Variants in DOCK4 observed in about 807,000 individuals in gnomAD.
DOCK4 encodes dedicator of cytokinesis protein 4.
Under a neutral mutation model 268.1 loss-of-function variants are expected in DOCK4, and 97 were observed. The observed-to-expected ratio is 0.36, with a 90% CI of 0.31 to 0.43. DOCK4 has a LOEUF of 0.43. Among genes scored for constraint, DOCK4 ranks in the 20% least tolerant of loss-of-function variants. DOCK4 has a pLI of 1.00. For missense variants in DOCK4, 2,145 were observed against 2,455.7 expected (o/e 0.87, Z 2.67); for synonymous variants, 954 against 887.2 (o/e 1.08, Z -1.34).
intron 7 of DOCK4, among the ~76,000 whole-genome samples, chr7:111,978,710 C>T (rs1314258752): frequency 6.6e-6 from 1 of 152,192 alleles, no homozygotes; most frequent in African/African-American, 2.4e-5. Flanking sequence ...TAATTCCCTG[C>T]AGACTGATTC....
Position 111,747,428 on chromosome 7 carries a change from G to A in DOCK4, c.4432C>T (p.Leu1478=). The change falls in exon 43 of 53, where the codon CTG becomes TTG. Residue 1478 remains leucine, a synonymous_variant. Transcript: ENST00000428084. ...EKREVVEMSP[L]ENAIEVLENK... Reference sequence around the variant, plus strand: ...TCTAGCACTTCAATTGCATTTTCCAGAGGACTCATTTCTACCTGAGAAGCA... The same window carrying A: ...TCTAGCACTTCAATTGCATTTTCCAAAGGACTCATTTCTACCTGAGAAGCA... The A allele has an allele frequency of 6.2e-7, 1 of 1,601,528 alleles. No homozygotes were observed. The highest frequency in any genetic ancestry group is 8.5e-7 in the Non-Finnish European group (1 of 1,173,996).
At chr7:112,124,204 AGAGAC>A (rs1278999282) in intron 1 of DOCK4, among the ~76,000 whole-genome samples, 1 of 151,978 alleles carries the variant, frequency 6.6e-6, no homozygotes, top group Admixed American at 6.6e-5. Context: ...TATTTTTTGT[AGAGAC>A]GAGATCCTGT....
chr7:112,206,311 T>A lies in DOCK4; in HGVS notation c.-173A>T. 1.5e-6 allele frequency: 1 copy of A among 662,818 alleles called. No homozygotes were observed. The highest frequency in any genetic ancestry group is 2.0e-5 in the South Asian group (1 of 50,904). 41.1% of individuals were successfully genotyped at this position (662,818 alleles called of 1,614,324 possible). On this transcript the variant is annotated 5_prime_UTR_variant, in exon 1 of 53. Coordinates refer to ENST00000428084, the MANE Select transcript of DOCK4 (RefSeq NM_001363540.2). ...AGGCTCCCGAGCCCAGCGTTGACAC[T>A]GCGCCGCCCGCAGCTCTCCCGGCGG...
At chr7:111,831,775 T>C (rs1802829404) in intron 26 of DOCK4, among the ~76,000 whole-genome samples, 1 of 152,122 alleles carries the variant, frequency 6.6e-6, no homozygotes, top group Non-Finnish European at 1.5e-5. Flanking sequence ...AGGCATGAGG[T>C]ACCGTGTCTG....
intron 28 of DOCK4, among the ~76,000 whole-genome samples, chr7:111,810,347 T>G (rs1640093562): frequency 6.6e-6 from 1 of 151,762 alleles, no homozygotes; most frequent in Non-Finnish European, 1.5e-5. Context: ...AGCTACTCAG[T>G]AGGCTGAGGC....
chr7:112,043,333 C>A lies in DOCK4; in HGVS notation c.38-39202G>T, dbSNP rs938604310. On this transcript the variant is annotated intron_variant, in intron 1 of 52. Transcript: ENST00000428084. Reference sequence around the variant, plus strand: ...TAATATTCAATTCATCTAGAACCTGCCACAAATCAACTGTTATCCACAAAG... The same window carrying A: ...TAATATTCAATTCATCTAGAACCTGACACAAATCAACTGTTATCCACAAAG... Among the ~76,000 whole-genome samples the A allele has an allele frequency of 4.6e-5, 7 of 152,048 alleles. No homozygotes were observed. The East Asian group carries it at 1.3e-3, about 29-fold the overall frequency.
intron 5 of DOCK4, among the ~76,000 whole-genome samples, chr7:111,990,295 C>A (rs1171383947): frequency 2.0e-5 from 3 of 152,140 alleles, no homozygotes; most frequent in African/African-American, 7.2e-5. Context: ...ACCCCAGAGA[C>A]AATAGAGTAA....
chr7:111,962,401 G>C (rs1320334846), intron 8 of DOCK4, among the ~76,000 whole-genome samples: 1 of 152,176 alleles, frequency 6.6e-6, no homozygotes, highest in African/African-American at 2.4e-5. Context: ...CATGGGGAAA[G>C]TACTATTATT....
intron 1 of DOCK4, among the ~76,000 whole-genome samples, chr7:112,157,492 C>T (rs2189288): frequency 0.69 from 104,820 of 152,018 alleles, 36,429 homozygotes; most frequent in East Asian, 0.85. Context: ...CTTCATTTAG[C>T]ATCAAGGATT....
intron 52 of DOCK4, among the ~76,000 whole-genome samples, chr7:111,731,674 T>C (rs74470723): frequency 0.075 from 11,435 of 152,294 alleles, 586 homozygotes; most frequent in African/African-American, 0.14. Context: ...TAGAAATCTT[T>C]TAAATCCATA....
chr7:112,048,389 CAAAAAAA>C (rs59810546), intron 1 of DOCK4, among the ~76,000 whole-genome samples: 6,420 of 72,184 alleles, frequency 0.089, 431 homozygotes, highest in African/African-American at 0.22. Flanking sequence ...ACTAAAAATA[CAAAAAAA>C]AAAAAAAAAA....
rs1284632103 is a variant in DOCK4, at chr7:112,004,098, C to T, written c.71G>A (p.Gly24Asp). 1 of 1,600,548 alleles carries T rather than the reference C, an allele frequency of 6.2e-7. No homozygotes were observed. Among genetic ancestry groups the T allele is most frequent in the East Asian group, 2.3e-5 (1 of 44,424 alleles). Residue 24 changes from glycine (G) to aspartate (D), a missense_variant, in exon 2 of 53, where the codon GGC (glycine) becomes GAC (aspartate). By Grantham distance (94) the Gly-to-Asp change is moderately conservative. Coordinates refer to ENST00000428084, the MANE Select transcript of DOCK4 (RefSeq NM_001363540.2). ...IASFRGTVPY[G>D]LSLEIGDTVQ... ...TGTATCTCCAATTTCCAATGACAGG[C>T]CATATGGAACGGTTCCTCGGAAACT...
At chr7:111,745,984 T>C (rs1043527935) in intron 44 of DOCK4, among the ~76,000 whole-genome samples, 3 of 152,322 alleles carry the variant, frequency 2.0e-5, no homozygotes, top group Middle Eastern at 3.4e-3. Flanking sequence ...GTATAAGATA[T>C]ATATGAAATA....
At chr7:112,204,613 G>T (rs1251326717) in intron 1 of DOCK4, among the ~76,000 whole-genome samples, 1 of 152,164 alleles carries the variant, frequency 6.6e-6, no homozygotes, top group African/African-American at 2.4e-5. Context: ...GGTGGGTTCA[G>T]GTCAAACTAT....
chr7:112,011,828 T>C (rs956165565), intron 1 of DOCK4, among the ~76,000 whole-genome samples: 2 of 149,040 alleles, frequency 1.3e-5, no homozygotes, highest in African/African-American at 5.0e-5. Context: ...CAATGTAATA[T>C]GATTAAAAGG....
At chr7:111,763,828 T>A (rs1252004356) in intron 39 of DOCK4, among the ~76,000 whole-genome samples, 1 of 152,224 alleles carries the variant, frequency 6.6e-6, no homozygotes, top group Non-Finnish European at 1.5e-5. Flanking sequence ...CAAAACGTAG[T>A]CTTTTAAATT....
chr7:112,056,133 G>A (rs1319726572), intron 1 of DOCK4, among the ~76,000 whole-genome samples: 1 of 152,140 alleles, frequency 6.6e-6, no homozygotes, highest in Non-Finnish European at 1.5e-5. Flanking sequence ...GGCAGGTGAT[G>A]AGACCAGGTA....
rs377187510 is a variant in DOCK4, at chr7:111,790,582, G to A, written c.3190C>T (p.Pro1064Ser). ...NLGEHKLHFI[P>S]ALIGPFLEVT... ...TCTAGGAAGGGGCCAATCAGGGCAGGGATAAAATGAAGCTTGTGCTCTCCT... is the reference window on the plus strand; with the variant it reads ...TCTAGGAAGGGGCCAATCAGGGCAGAGATAAAATGAAGCTTGTGCTCTCCT... Residue 1064 changes from proline to serine, a missense_variant, in exon 31 of 53, where the codon CCT (proline) becomes TCT (serine). Coordinates refer to ENST00000428084, the MANE Select transcript of DOCK4 (RefSeq NM_001363540.2). 181 of 1,612,892 alleles carry A rather than the reference G, an allele frequency of 1.1e-4. No individual in the cohort carries two copies. Among genetic ancestry groups the A allele is most frequent in the Non-Finnish European group, 1.5e-4 (172 of 1,179,580 alleles).
At chr7:111,742,307 A>T (rs1173996307) in intron 44 of DOCK4, among the ~76,000 whole-genome samples, 175 bp from the exon 45 acceptor site, 2 of 152,188 alleles carry the variant, frequency 1.3e-5, no homozygotes, top group Admixed American at 1.3e-4. Flanking sequence ...GGATCTGAAA[A>T]ATCCTGCATG....
Sources: gnomAD v4.1 joint callset for allele counts (sites outside exome capture counted in the v4.1 genomes callset) on GRCh38, gnomAD v4.1.1 for gene constraint, MANE v1.5 for transcripts, NCBI Gene and HGNC (gene_info 2026-07-23, HGNC 2026-07-21) for gene names.